Variants in PCDH9 observed in about 807,000 individuals in gnomAD.
PCDH9 encodes the protein protocadherin-9.
PCDH9 carries 24 observed loss-of-function variants against 70.6 expected under a neutral mutation model. That is an observed-to-expected ratio of 0.34 (90% CI 0.25 to 0.48). PCDH9 has a LOEUF of 0.48. Among genes scored for constraint, PCDH9 ranks in the 20% least tolerant of loss-of-function variants. The pLI, the probability that PCDH9 is intolerant of heterozygous loss-of-function variation, is 0.99. For missense variants in PCDH9, 1,281 were observed against 1,503.6 expected (o/e 0.85, Z 2.45); for synonymous variants, 562 against 558.5 (o/e 1.01, Z -0.09).
chr13:66,317,183 C>T (rs561351998), intron 4 of PCDH9, among the ~76,000 whole-genome samples: 66 of 152,074 alleles, frequency 4.3e-4, no homozygotes, highest in African/African-American at 1.5e-3. Context: ...CTTTCTATGG[C>T]CTGGCACATT....
chr13:66,503,302 A>G (rs576187483), intron 4 of PCDH9, among the ~76,000 whole-genome samples: 1 of 152,244 alleles, frequency 6.6e-6, no homozygotes, highest in African/African-American at 2.4e-5. Flanking sequence ...GGCAAAATAA[A>G]TCAGTGTTGG....
chr13:66,866,407 G>A (rs2081576346), intron 3 of PCDH9, among the ~76,000 whole-genome samples: 1 of 151,640 alleles, frequency 6.6e-6, no homozygotes, highest in Non-Finnish European at 1.5e-5. Flanking sequence ...GCGGGAACCC[G>A]GGAGGCAGAG....
At chr13:66,808,404 T>C (rs1227114612) in intron 3 of PCDH9, among the ~76,000 whole-genome samples, 1 of 152,200 alleles carries the variant, frequency 6.6e-6, no homozygotes, top group African/African-American at 2.4e-5. Context: ...TTACTATTTA[T>C]AACAAATACA....
At chr13:66,492,389 A>T (rs769290190) in intron 4 of PCDH9, among the ~76,000 whole-genome samples, 1 of 150,248 alleles carries the variant, frequency 6.7e-6, no homozygotes, top group Admixed American at 6.7e-5. Context: ...TATCCTTAGC[A>T]TTAAATAGGT....
intron 4 of PCDH9, among the ~76,000 whole-genome samples, chr13:66,487,669 C>T (rs1958966816): frequency 6.6e-6 from 1 of 151,990 alleles, no homozygotes; most frequent in African/African-American, 2.4e-5. Context: ...AATATTCTAT[C>T]CCTATGAAAA....
chr13:66,498,764 C>T (rs1461298940), intron 4 of PCDH9, among the ~76,000 whole-genome samples: 3 of 151,890 alleles, frequency 2.0e-5, no homozygotes, highest in Admixed American at 6.6e-5. Context: ...GTATTAAGTG[C>T]GTAATACCTA....
chr13:66,921,388 C>G (rs912007270), intron 2 of PCDH9, among the ~76,000 whole-genome samples: 23 of 151,074 alleles, frequency 1.5e-4, no homozygotes, highest in Admixed American at 4.0e-4. Context: ...TAGTATAGCT[C>G]TCTGTGTAAG....
chr13:66,802,884 T>C (rs940735412), intron 3 of PCDH9, among the ~76,000 whole-genome samples: 1 of 152,102 alleles, frequency 6.6e-6, no homozygotes, highest in South Asian at 2.1e-4. Flanking sequence ...ATACTATTAA[T>C]ACATTATTTT....
In PCDH9 at chr13:66,370,444, T is replaced by C. The variant is rs74570306; in HGVS notation, c.3341-65416A>G. On this transcript the variant is annotated intron_variant, in intron 4 of 4. Transcript: ENST00000377865. ...CCTCCCTCATTACAATAAATTGGAC[T>C]TCTGTTGCCATAATCGTTTTGTTTC... 4.9e-3 allele frequency among the ~76,000 whole-genome samples: 752 copies of C among 152,118 alleles called. 23 individuals carry two copies. In the East Asian group the frequency reaches 0.074, roughly 15 times the overall value.
At chr13:67,106,051 G>A (rs1022824667) in intron 2 of PCDH9, among the ~76,000 whole-genome samples, 2 of 151,922 alleles carry the variant, frequency 1.3e-5, no homozygotes, top group African/African-American at 4.8e-5. Flanking sequence ...CATTGAATAG[G>A]TCATCCAACT....
At chr13:66,445,042 C>CTA (rs1011963582) in intron 4 of PCDH9, among the ~76,000 whole-genome samples, 4 of 145,904 alleles carry the variant, frequency 2.7e-5, no homozygotes, top group Non-Finnish European at 3.0e-5. Context: ...GATCTTTTCA[C>CTA]TATATATATA....
Position 66,903,504 on chromosome 13 carries a change from C to A in PCDH9, c.3138G>T (p.Glu1046Asp). The A allele has an allele frequency of 7.3e-7, 1 of 1,374,160 alleles. No individual in the cohort carries two copies. The highest frequency in any genetic ancestry group is 1.0e-6 in the Non-Finnish European group (1 of 964,530). 85.1% of individuals were successfully genotyped at this position (1,374,160 alleles called of 1,614,324 possible). ...TGTTCTCTATAGATATATGGCATAC[C>A]TCGTAATGGCTTTCTTCATTCTCCT... ...HIQENEESHY[E>D]SQRRVTFHLP... Residue 1046 changes from glutamate (E) to aspartate (D), a missense_variant and splice_region_variant, in exon 3 of 5, where the codon GAG (glutamate) becomes GAT (aspartate). By Grantham distance (45) the Glu-to-Asp change is conservative (BLOSUM62 2). Around this residue, in one of 4 missense-constraint regions of PCDH9, gnomAD observed 264 missense variants for 278.8 expected, o/e 0.95. Transcript: ENST00000377865.
chr13:66,545,758 T>A (rs1961157268), intron 4 of PCDH9, among the ~76,000 whole-genome samples: 1 of 152,130 alleles, frequency 6.6e-6, no homozygotes. Context: ...AATAATCTAC[T>A]CTGTTACTGG....
At chr13:66,976,977 T>A (rs2083632907) in intron 2 of PCDH9, among the ~76,000 whole-genome samples, 1 of 152,142 alleles carries the variant, frequency 6.6e-6, no homozygotes, top group African/African-American at 2.4e-5. Flanking sequence ...TAAACACTAA[T>A]GTTGAAAAGC....
chr13:67,153,012 C>T (rs552871443), intron 2 of PCDH9, among the ~76,000 whole-genome samples: 1 of 152,112 alleles, frequency 6.6e-6, no homozygotes, highest in South Asian at 2.1e-4. Flanking sequence ...TCATCACTCC[C>T]ACCTGGAAGT....
intron 2 of PCDH9, among the ~76,000 whole-genome samples, chr13:67,124,916 C>G (rs2086946933): frequency 6.6e-6 from 1 of 152,180 alleles, no homozygotes; most frequent in African/African-American, 2.4e-5. Context: ...AAAAACCTTT[C>G]TAAATTAACT....
chr13:66,713,630 TATATA>T (rs1566522942), intron 3 of PCDH9, among the ~76,000 whole-genome samples: 4 of 65,436 alleles, frequency 6.1e-5, no homozygotes, highest in South Asian at 5.6e-4. Context: ...TGTGTGTATA[TATATA>T]TATATATATA....
At chr13:66,413,559 G>A (rs1209028602) in intron 4 of PCDH9, among the ~76,000 whole-genome samples, 2 of 151,874 alleles carry the variant, frequency 1.3e-5, no homozygotes, top group Non-Finnish European at 2.9e-5. Context: ...GGTGGTGGGC[G>A]CCTGTAGTCC....
chr13:66,436,817 A>T (rs1957874447), intron 4 of PCDH9, among the ~76,000 whole-genome samples: 1 of 152,190 alleles, frequency 6.6e-6, no homozygotes, highest in Admixed American at 6.5e-5. Flanking sequence ...ATTATACAAG[A>T]CAAAGCTTCA....
Sources: gnomAD v4.1 joint callset for allele counts (sites outside exome capture counted in the v4.1 genomes callset) on GRCh38, gnomAD v4.1.1 for gene constraint, gnomAD v4.1.1 regional missense constraint, MANE v1.5 for transcripts, NCBI Gene and HGNC (gene_info 2026-07-23, HGNC 2026-07-21) for gene names.